GRM8: variants seen among roughly 807,000 people sequenced by gnomAD.
GRM8 encodes the protein metabotropic glutamate receptor 8.
A neutral mutation model predicts 87.2 loss-of-function variants in GRM8; 47 were observed. The ratio of observed to expected loss-of-function variants is 0.54; its 90% CI spans 0.43 to 0.69. The LOEUF (loss-of-function observed/expected upper bound fraction) is 0.69, where lower values mean the gene tolerates loss of function less well. Among genes scored for constraint, GRM8 ranks in the 30% least tolerant of loss-of-function variants. The probability of loss-of-function intolerance (pLI) is 0.00; values close to 1 mark genes in which losing one functional copy is unlikely to be tolerated. For missense variants in GRM8, 1,019 were observed against 1,139.2 expected (o/e 0.89, Z 1.52); for synonymous variants, 396 against 404.5 (o/e 0.98, Z 0.25).
At chr7:127,168,073 AC>A (rs1247562279) in intron 2 of GRM8, among the ~76,000 whole-genome samples, 30 of 152,180 alleles carry the variant, frequency 2.0e-4, no homozygotes, top group African/African-American at 7.2e-4. Flanking sequence ...TGAAAAGGCA[AC>A]CTACAGAATG....
chr7:126,584,841 C>CA (rs989003364), intron 8 of GRM8, among the ~76,000 whole-genome samples: 151 of 142,986 alleles, frequency 1.1e-3, no homozygotes, highest in South Asian at 1.6e-3. Context: ...GCTGTGAGAG[C>CA]AAAAAAAAAA....
intron 3 of GRM8, among the ~76,000 whole-genome samples, chr7:126,942,220 C>T (rs2518959): frequency 0.77 from 116,704 of 152,166 alleles, 45,112 homozygotes; most frequent in East Asian, 0.97. Flanking sequence ...TGAGAACGTA[C>T]CTATTTTTTA....
chr7:127,225,066 C>T (rs1797232454), intron 2 of GRM8, among the ~76,000 whole-genome samples: 1 of 152,176 alleles, frequency 6.6e-6, no homozygotes, highest in South Asian at 2.1e-4. Flanking sequence ...CTATAAAATG[C>T]TCAAAGAACC....
At chr7:127,100,179 A>G (rs573852649) in intron 3 of GRM8, among the ~76,000 whole-genome samples, 1 of 152,268 alleles carries the variant, frequency 6.6e-6, no homozygotes, top group South Asian at 2.1e-4. Flanking sequence ...AGCCACTAGT[A>G]TACTATATTT....
intron 2 of GRM8, among the ~76,000 whole-genome samples, chr7:127,158,983 G>C (rs150432232): frequency 6.6e-6 from 1 of 152,090 alleles, no homozygotes; most frequent in Non-Finnish European, 1.5e-5. Context: ...AGTCCTCTTG[G>C]TCCCCCAATA....
chr7:127,218,632 C>T (rs1796720838), intron 2 of GRM8, among the ~76,000 whole-genome samples: 2 of 152,146 alleles, frequency 1.3e-5, no homozygotes. Context: ...TCCCTTTCTC[C>T]AGGCTTGGGC....
chr7:126,961,172 T>C lies in GRM8; in HGVS notation c.728-56489A>G, dbSNP rs1255509916. On this transcript the variant is annotated intron_variant, in intron 3 of 10. Transcript: ENST00000339582. The stretch of plus-strand genomic sequence containing the variant: ...GAAGATAACAGAAATCCTTTCTCTA[T>C]GTAAAAAGGTTAAGCTTGGGAAAAA... Among the ~76,000 whole-genome samples the C allele has an allele frequency of 2.0e-5, 3 of 152,198 alleles. No homozygotes were observed. In the East Asian group the frequency reaches 5.8e-4, roughly 29 times the overall value.
intron 3 of GRM8, among the ~76,000 whole-genome samples, chr7:127,022,494 G>T (rs1816374898): frequency 6.6e-6 from 1 of 151,990 alleles, no homozygotes; most frequent in African/African-American, 2.4e-5. Flanking sequence ...CCTGACAGGG[G>T]AAGAGAGATG....
chr7:126,560,758 G>A (rs1793608548), intron 8 of GRM8, among the ~76,000 whole-genome samples: 1 of 152,166 alleles, frequency 6.6e-6, no homozygotes, highest in Admixed American at 6.5e-5. Flanking sequence ...TTCTGAAGTT[G>A]ATGACATTTA....
At chr7:127,119,896 C>T (rs1826931249) in intron 2 of GRM8, among the ~76,000 whole-genome samples, 1 of 152,138 alleles carries the variant, frequency 6.6e-6, no homozygotes, top group East Asian at 1.9e-4. Flanking sequence ...AGGATGTGGC[C>T]TAGACTCTTT....
At chr7:126,782,683 A>C (rs1297952292) in intron 6 of GRM8, among the ~76,000 whole-genome samples, 2 of 152,172 alleles carry the variant, frequency 1.3e-5, no homozygotes, top group East Asian at 3.8e-4. Context: ...CAGAAACTTA[A>C]ATTTGTAAAT....
intron 8 of GRM8, among the ~76,000 whole-genome samples, chr7:126,594,428 A>G (rs1796970388): frequency 6.6e-6 from 1 of 152,198 alleles, no homozygotes; most frequent in East Asian, 1.9e-4. Flanking sequence ...AAATACTGTC[A>G]TCTGTGAAAA....
chr7:126,532,629 G>A (rs1430301399), intron 9 of GRM8, among the ~76,000 whole-genome samples: 1 of 151,742 alleles, frequency 6.6e-6, no homozygotes, highest in Non-Finnish European at 1.5e-5. Context: ...TAGCAGAGCT[G>A]GGAAGGGAGA....
intron 6 of GRM8, among the ~76,000 whole-genome samples, chr7:126,850,545 G>A (rs1479075721): frequency 6.6e-6 from 1 of 152,136 alleles, no homozygotes; most frequent in Non-Finnish European, 1.5e-5. Flanking sequence ...ATTATTACAA[G>A]GTTTAGGATT....
At chr7:127,203,188 T>A (rs1340087676) in intron 2 of GRM8, among the ~76,000 whole-genome samples, 1 of 152,184 alleles carries the variant, frequency 6.6e-6, no homozygotes, top group Non-Finnish European at 1.5e-5. Context: ...TCATATTACA[T>A]AGCAAATCGT....
chr7:126,972,115 T>G (rs1329787752), intron 3 of GRM8, among the ~76,000 whole-genome samples: 2 of 152,154 alleles, frequency 1.3e-5, no homozygotes, highest in African/African-American at 2.4e-5. Flanking sequence ...ATGCTATGCT[T>G]TCCCCTTTTC....
chr7:126,477,706 G>C lies in GRM8; in HGVS notation c.2431-31334C>G, dbSNP rs148553523. ...GAAGGGAGGGAGTGATGAAGGGAGG[G>C]AGAAAGGAAGGAAAGAAGGAAAGGA... On this transcript the variant is annotated intron_variant, in intron 9 of 10. Coordinates refer to ENST00000339582, the MANE Select transcript of GRM8 (RefSeq NM_000845.3). Among the ~76,000 whole-genome samples the C allele has an allele frequency of 5.2e-3, 783 of 150,942 alleles. 7 individuals carry two copies. The highest frequency in any genetic ancestry group is 0.018 in the African/African-American group (755 of 41,210).
chr7:127,179,474 T>A lies in GRM8; in HGVS notation c.510+63221A>T, dbSNP rs568730799. 1.2e-4 allele frequency among the ~76,000 whole-genome samples: 19 copies of A among 152,254 alleles called. No individual in the cohort carries two copies. The South Asian group carries it at 3.9e-3, about 32-fold the overall frequency. On this transcript the variant is annotated intron_variant, in intron 2 of 10. Coordinates refer to ENST00000339582, the MANE Select transcript of GRM8 (RefSeq NM_000845.3). Reference sequence around the variant, plus strand: ...AAAGACAACAAAGAAACAATGGATTTAAACTATACCTTGGAACAAATAGAC... The same window carrying A: ...AAAGACAACAAAGAAACAATGGATTAAAACTATACCTTGGAACAAATAGAC...
chr7:127,071,792 T>A (rs964549631), intron 3 of GRM8, among the ~76,000 whole-genome samples: 1 of 151,730 alleles, frequency 6.6e-6, no homozygotes, highest in African/African-American at 2.4e-5. Flanking sequence ...ATATACATAT[T>A]TTTTTTTGCC....
Sources: allele counts gnomAD v4.1 joint callset (sites outside exome capture counted in the v4.1 genomes callset), GRCh38; gene constraint gnomAD v4.1.1; transcripts MANE v1.5; gene names NCBI Gene and HGNC (gene_info 2026-07-23, HGNC 2026-07-21).